Variants in SLC4A4 observed in about 807,000 individuals in gnomAD.
The protein encoded by SLC4A4 is electrogenic sodium bicarbonate cotransporter 1.
SLC4A4 carries 27 observed loss-of-function variants against 111.5 expected under a neutral mutation model. The observed-to-expected ratio is 0.24, with a 90% CI of 0.18 to 0.33. SLC4A4 has a LOEUF of 0.33. SLC4A4 is among the 10% of genes least tolerant of loss of function. The pLI is 1.00. For synonymous variants in SLC4A4, 443 were observed against 463.4 expected (o/e 0.96, Z 0.57); for missense variants, 909 against 1,315.5 (o/e 0.69, Z 4.78).
At chr4:71,384,154 T>G (rs1486214420) in intron 6 of SLC4A4, among the ~76,000 whole-genome samples, 1 of 152,190 alleles carries the variant, frequency 6.6e-6, no homozygotes, top group Non-Finnish European at 1.5e-5. Flanking sequence ...TCACTTGAGG[T>G]CCTGAAGCTA....
At chr4:71,508,697 T>C (rs566971905) in intron 16 of SLC4A4, among the ~76,000 whole-genome samples, 2 of 152,302 alleles carry the variant, frequency 1.3e-5, no homozygotes, top group Admixed American at 6.5e-5. Context: ...AGAGCTGGTA[T>C]CATTTCTACT....
At chr4:71,142,645 T>C (rs953284236) in intron 2 of SLC4A4, among the ~76,000 whole-genome samples, 1 of 152,138 alleles carries the variant, frequency 6.6e-6, no homozygotes, top group Non-Finnish European at 1.5e-5. Context: ...AACCTGAGTC[T>C]TCGGCTTTTT....
Position 71,557,780 on chromosome 4 carries a change from T to C in SLC4A4, c.2832T>C (p.His944=), listed in dbSNP as rs1736604986. The change falls in exon 22 of 26, where the codon CAT becomes CAC. Residue 944 remains histidine, a synonymous_variant. Coordinates refer to ENST00000264485, the MANE Select transcript of SLC4A4 (RefSeq NM_001098484.3). Reference sequence around the variant, plus strand: ...AGCCTGACTTCATCTACCTGCGTCATGTTCCTCTGCGCAGAGTCCACCTGT... The same window carrying C: ...AGCCTGACTTCATCTACCTGCGTCACGTTCCTCTGCGCAGAGTCCACCTGT... ...KHQPDFIYLR[H]VPLRRVHLFT... 2 of 1,612,796 alleles carry C rather than the reference T, an allele frequency of 1.2e-6. No homozygotes were observed. The highest frequency in any genetic ancestry group is 1.3e-5 in the African/African-American group (1 of 74,942).
At chr4:71,346,562 C>T (rs1190091481) in intron 4 of SLC4A4, among the ~76,000 whole-genome samples, 2 of 151,636 alleles carry the variant, frequency 1.3e-5, no homozygotes, top group Non-Finnish European at 2.9e-5. Context: ...GGTTCTAAAG[C>T]ACCTTTGCAG....
At chr4:71,189,610 T>C (rs1458520879) in intron 1 of SLC4A4, among the ~76,000 whole-genome samples, 3 of 152,136 alleles carry the variant, frequency 2.0e-5, no homozygotes, top group Non-Finnish European at 4.4e-5. Context: ...ATAGCTTACA[T>C]CTTAAAGGAA....
intron 16 of SLC4A4, among the ~76,000 whole-genome samples, chr4:71,503,613 A>G (rs1731138346): frequency 6.6e-6 from 1 of 152,152 alleles, no homozygotes; most frequent in Admixed American, 6.5e-5. Flanking sequence ...TATGTTTGTT[A>G]CCTTAATTTA....
chr4:71,489,034 G>T (rs1311891166), intron 15 of SLC4A4, among the ~76,000 whole-genome samples: 1 of 111,090 alleles, frequency 9.0e-6, no homozygotes, highest in East Asian at 2.2e-4. Context: ...ATAGGTAAAT[G>T]ACTCAGAAAT....
rs180993268 is a variant in SLC4A4 at position 71,199,619 on chromosome 4, T to C, written c.-2+12218T>C. Among the ~76,000 whole-genome samples, 11 of 152,304 alleles carry C rather than the reference T, an allele frequency of 7.2e-5. No individual in the cohort carries two copies. The East Asian group carries it at 1.9e-3, about 27-fold the overall frequency. On this transcript the variant is annotated intron_variant, in intron 1 of 25. Coordinates refer to ENST00000264485, the MANE Select transcript of SLC4A4 (RefSeq NM_001098484.3). ...TGTGTGATAGATGGATTCTGCCACATGGGCTTGAACAACACAGTGTCCTTT... is the reference window on the plus strand; with the variant it reads ...TGTGTGATAGATGGATTCTGCCACACGGGCTTGAACAACACAGTGTCCTTT...
At chr4:71,103,545 A>G (rs1337560124) in intron 2 of SLC4A4, among the ~76,000 whole-genome samples, 1 of 152,192 alleles carries the variant, frequency 6.6e-6, no homozygotes, top group Non-Finnish European at 1.5e-5. Flanking sequence ...AGCAAATGTA[A>G]AAGAACAGAG....
At chr4:71,277,766 A>G (rs562470479) in intron 3 of SLC4A4, among the ~76,000 whole-genome samples, 1 of 151,954 alleles carries the variant, frequency 6.6e-6, no homozygotes, top group Non-Finnish European at 1.5e-5. Context: ...GTGATTTGCA[A>G]ATATTTTCTG....
intron 2 of SLC4A4, among the ~76,000 whole-genome samples, chr4:71,119,224 ACAT>A (rs1012271966): frequency 6.6e-5 from 10 of 152,152 alleles, no homozygotes; most frequent in African/African-American, 2.2e-4. Flanking sequence ...TTGCCCTAAA[ACAT>A]AGTCTATTAA....
At chr4:71,090,655 C>T (rs1742362199) in intron 1 of SLC4A4, among the ~76,000 whole-genome samples, 1 of 152,210 alleles carries the variant, frequency 6.6e-6, no homozygotes, top group South Asian at 2.1e-4. Flanking sequence ...TGTAGGCATG[C>T]AGCCAAAATA....
chr4:71,121,944 GGACGGGAGGAATGAACAACTCCA>G (rs1743441385), intron 2 of SLC4A4, among the ~76,000 whole-genome samples: 1 of 152,126 alleles, frequency 6.6e-6, no homozygotes, highest in South Asian at 2.1e-4. Flanking sequence ...GAACAACTCC[GGACGGGAGGAATGAACAACTCCA>G]GACGCGCTTC....
At chr4:71,500,761 T>C (rs1730847363) in intron 16 of SLC4A4, among the ~76,000 whole-genome samples, 2 of 152,246 alleles carry the variant, frequency 1.3e-5, no homozygotes, top group Admixed American at 6.5e-5. Context: ...GGCATCTTTG[T>C]TGAAAATCAG....
chr4:71,205,010 GGT>G (rs949971179), intron 1 of SLC4A4, among the ~76,000 whole-genome samples: 7 of 152,190 alleles, frequency 4.6e-5, no homozygotes, highest in Admixed American at 3.9e-4. Flanking sequence ...CATGGGTGAT[GGT>G]GTGACAGGAC....
chr4:71,295,435 G>A (rs1312777469), intron 3 of SLC4A4, among the ~76,000 whole-genome samples: 2 of 152,064 alleles, frequency 1.3e-5, no homozygotes, highest in Admixed American at 6.6e-5. Flanking sequence ...ATTTTCAGAG[G>A]TTTTACCTTG....
At chr4:71,482,392 A>T (rs543494327) in intron 14 of SLC4A4, among the ~76,000 whole-genome samples, 5 of 151,680 alleles carry the variant, frequency 3.3e-5, no homozygotes, top group African/African-American at 1.2e-4. Flanking sequence ...TAGGGGAAAA[A>T]AATTGAAATT....
intron 3 of SLC4A4, among the ~76,000 whole-genome samples, chr4:71,256,839 T>C (rs993348753): frequency 2.1e-4 from 32 of 152,210 alleles, no homozygotes; most frequent in African/African-American, 7.5e-4. Flanking sequence ...CAGTGTCAAG[T>C]GTTCTGTCCA....
At chr4:71,567,648 T>C in intron 25 of SLC4A4, 140 bp from the exon 26 acceptor site, 1 of 494,004 alleles carries the variant, frequency 2.0e-6, no homozygotes, top group East Asian at 3.5e-5. Flanking sequence ...AAAATGTTTG[T>C]TTTTAATACA....
Sources: allele counts gnomAD v4.1 joint callset (sites outside exome capture counted in the v4.1 genomes callset), GRCh38; gene constraint gnomAD v4.1.1; transcripts MANE v1.5; gene names NCBI Gene and HGNC (gene_info 2026-07-23, HGNC 2026-07-21).